Variants in LINGO2 observed in about 807,000 individuals in gnomAD.
LINGO2 encodes the protein leucine-rich repeat and immunoglobulin-like domain-containing nogo receptor-interacting protein 2.
A neutral mutation model predicts 30.6 loss-of-function variants in LINGO2; 14 were observed. That is an observed-to-expected ratio of 0.46 (90% CI 0.30 to 0.72). The LOEUF (loss-of-function observed/expected upper bound fraction) is 0.72. Ranked by LOEUF, LINGO2 falls within the 30% of genes least tolerant of loss-of-function variation. The pLI is 0.07. For synonymous variants in LINGO2, 317 were observed against 288.5 expected (o/e 1.10, Z -1.00); for missense variants, 729 against 751.7 (o/e 0.97, Z 0.35).
chr9:28,837,206 T>A, the LINGO2 span, among the ~76,000 whole-genome samples: 11 of 152,302 alleles, frequency 7.2e-5, no homozygotes, highest in South Asian at 4.1e-4. Context: ...GTTATACATC[T>A]AAGTGCACAG....
At chr9:28,836,470 A>G in the LINGO2 span, among the ~76,000 whole-genome samples, 1 of 151,744 alleles carries the variant, frequency 6.6e-6, no homozygotes, top group Non-Finnish European at 1.5e-5. Flanking sequence ...ATGCACCACC[A>G]CACCCAGCTA....
At chr9:29,193,994 T>C in the LINGO2 span, among the ~76,000 whole-genome samples, 14 of 152,068 alleles carry the variant, frequency 9.2e-5, no homozygotes, top group Non-Finnish European at 1.5e-4. Flanking sequence ...GTAACAGCAG[T>C]GGTGAATGAA....
At chr9:28,659,613 AT>A (rs928878178) in intron 1 of LINGO2, among the ~76,000 whole-genome samples, 2 of 151,862 alleles carry the variant, frequency 1.3e-5, no homozygotes, top group African/African-American at 4.8e-5. Context: ...ACAGCCAGCA[AT>A]TTTTTTGTAT....
chr9:28,891,342 A>G, the LINGO2 span, among the ~76,000 whole-genome samples: 1 of 151,956 alleles, frequency 6.6e-6, no homozygotes, highest in South Asian at 2.1e-4. Context: ...ATCTCATAGT[A>G]TTTTATCATT....
intron 3 of LINGO2, among the ~76,000 whole-genome samples, chr9:28,347,143 C>T (rs986590280): frequency 1.3e-5 from 2 of 151,988 alleles, no homozygotes; most frequent in Non-Finnish European, 2.9e-5. Context: ...GATGTGAATC[C>T]ATGGTTACAT....
intron 4 of LINGO2, among the ~76,000 whole-genome samples, chr9:28,198,458 A>G (rs1023807665): frequency 1.3e-5 from 2 of 152,174 alleles, no homozygotes; most frequent in Non-Finnish European, 1.5e-5. Context: ...CTTTTCAACA[A>G]TCATACTTTT....
chr9:28,582,913 C>G (rs1166981323), intron 1 of LINGO2, among the ~76,000 whole-genome samples: 1 of 151,890 alleles, frequency 6.6e-6, no homozygotes, highest in Non-Finnish European at 1.5e-5. Flanking sequence ...CATGTTTAAT[C>G]TTTTTAACTC....
At chr9:28,254,735 T>A (rs1055024420) in intron 4 of LINGO2, among the ~76,000 whole-genome samples, 5 of 152,138 alleles carry the variant, frequency 3.3e-5, no homozygotes, top group Admixed American at 6.6e-5. Context: ...ACAACCATTT[T>A]TTAAGCAACC....
chr9:28,307,339 T>C (rs1366589035), intron 3 of LINGO2, among the ~76,000 whole-genome samples: 1 of 152,150 alleles, frequency 6.6e-6, no homozygotes, highest in Non-Finnish European at 1.5e-5. Context: ...CACATGATTA[T>C]CTCAATATAT....
chr9:28,384,672 A>G (rs1247630337), intron 2 of LINGO2, among the ~76,000 whole-genome samples: 1 of 151,970 alleles, frequency 6.6e-6, no homozygotes, highest in Non-Finnish European at 1.5e-5. Context: ...TGCTCTTAGC[A>G]ATATTTATAA....
intron 1 of LINGO2, among the ~76,000 whole-genome samples, chr9:28,540,835 G>A (rs1049804677): frequency 6.6e-6 from 1 of 152,154 alleles, no homozygotes; most frequent in African/African-American, 2.4e-5. Context: ...TCATTACAAT[G>A]TCATAAGCTG....
chr9:28,357,319 A>ACCCCCCCC (rs1554710540), intron 3 of LINGO2, among the ~76,000 whole-genome samples: 2 of 74,792 alleles, frequency 2.7e-5, no homozygotes, highest in South Asian at 5.8e-4. Flanking sequence ...AATAAAGCCC[A>ACCCCCCCC]CCCCCCCCAA....
At chr9:28,861,318 T>C in the LINGO2 span, among the ~76,000 whole-genome samples, 5,214 of 130,106 alleles carry the variant, frequency 0.04, 162 homozygotes, top group East Asian at 0.077. Flanking sequence ...TTATATAATA[T>C]ACTATATATA....
chr9:28,612,694 G>T (rs1587959503), intron 1 of LINGO2, among the ~76,000 whole-genome samples: 1 of 152,158 alleles, frequency 6.6e-6, no homozygotes, highest in Admixed American at 6.5e-5. Flanking sequence ...TTACAGGCTT[G>T]TAAGTAGAAG....
intron 1 of LINGO2, among the ~76,000 whole-genome samples, chr9:28,575,788 C>G (rs1331764453): frequency 6.6e-6 from 1 of 152,092 alleles, no homozygotes; most frequent in African/African-American, 2.4e-5. Context: ...TTAGAATTAT[C>G]TTCTGTACCA....
chr9:28,525,274 C>T (rs1000527786), intron 1 of LINGO2, among the ~76,000 whole-genome samples: 8 of 152,134 alleles, frequency 5.3e-5, no homozygotes, highest in Non-Finnish European at 1.0e-4. Flanking sequence ...TGGTTCTGGA[C>T]TTCTGAAACT....
chr9:27,995,480 A>T (rs1157697497), intron 5 of LINGO2, among the ~76,000 whole-genome samples: 1 of 152,206 alleles, frequency 6.6e-6, no homozygotes, highest in East Asian at 1.9e-4. Flanking sequence ...CAGACATCCT[A>T]AACAAAATAT....
chr9:28,862,423 G>A, the LINGO2 span, among the ~76,000 whole-genome samples: 1 of 151,992 alleles, frequency 6.6e-6, no homozygotes, highest in Admixed American at 6.6e-5. Flanking sequence ...AAGGTTAAAA[G>A]TATACATATT....
the LINGO2 span, among the ~76,000 whole-genome samples, chr9:28,728,241 C>G: frequency 6.6e-6 from 1 of 151,842 alleles, no homozygotes; most frequent in Admixed American, 6.6e-5. Context: ...AAACCACAAC[C>G]CCCTCCCCTT....
Sources: allele counts gnomAD v4.1 joint callset (sites outside exome capture counted in the v4.1 genomes callset), GRCh38; gene constraint gnomAD v4.1.1; transcripts MANE v1.5; gene names NCBI Gene and HGNC (gene_info 2026-07-23, HGNC 2026-07-21).